Variants in DICER1 observed in about 807,000 individuals in gnomAD.
DICER1 encodes endoribonuclease Dicer.
DICER1 carries 43 observed loss-of-function variants against 194.1 expected under a neutral mutation model. That is an observed-to-expected ratio of 0.22 (90% CI 0.17 to 0.29). The LOEUF (loss-of-function observed/expected upper bound fraction) is 0.29, where lower values mean the gene tolerates loss of function less well. Ranked by LOEUF, DICER1 falls within the 10% of genes least tolerant of loss-of-function variation. The pLI, the probability that DICER1 is intolerant of heterozygous loss-of-function variation, is 1.00. For synonymous variants in DICER1, 832 were observed against 820.5 expected, an observed-to-expected ratio of 1.01 and a Z score of -0.24; for missense variants, 1,608 against 2,317.0, an observed-to-expected ratio of 0.69 and a Z score of 6.28.
chr14:95,087,372 A>T lies in DICER1; in HGVS notation c.*3126T>A, dbSNP rs1484384395. 1.7e-5 allele frequency: 4 copies of T among 233,328 alleles called. No individual in the cohort carries two copies. The highest frequency in any genetic ancestry group is 3.4e-5 in the Non-Finnish European group (4 of 117,928). 14.5% of individuals were successfully genotyped at this position (233,328 alleles called of 1,614,324 possible). ...GAAATATAACAAACATTTTAAAAAC[A>T]TAATTAAGAGTTCAGTTAACAAATC... On this transcript the variant is annotated 3_prime_UTR_variant, in exon 27 of 27. Coordinates refer to ENST00000343455, the MANE Select transcript of DICER1 (RefSeq NM_177438.3).
rs1060503636 is a variant in DICER1 at position 95,106,174 on chromosome 14, T to A, written c.2854A>T (p.Thr952Ser). The change falls in exon 18 of 27, where the codon ACT (threonine) becomes TCT (serine). Residue 952 changes from threonine to serine, a missense_variant. Transcript: ENST00000343455. ...AATTTACTGAGTGGGGTAAGATCAG[T>A]GTACACATCAGCTACATAAAATCGA... Reference protein sequence around the residue: ...PHRFYVADVYTDLTPLSKFPS... With the variant: ...PHRFYVADVYSDLTPLSKFPS... The A allele has an allele frequency of 5.6e-6, 9 of 1,614,128 alleles. No homozygotes were observed. The highest frequency in any genetic ancestry group is 6.8e-6 in the Non-Finnish European group (8 of 1,179,988).
intron 6 of DICER1, among the ~76,000 whole-genome samples, chr14:95,126,956 A>G (rs995681921): frequency 1.3e-5 from 2 of 151,988 alleles, no homozygotes; most frequent in Non-Finnish European, 2.9e-5. Context: ...AATGTATTTT[A>G]TAAACCAGTA....
chr14:95,120,350 T>A (rs1019817119), intron 8 of DICER1, among the ~76,000 whole-genome samples: 1 of 152,166 alleles, frequency 6.6e-6, no homozygotes, highest in Non-Finnish European at 1.5e-5. Flanking sequence ...TGTGTGCTGG[T>A]TGATAAAACT....
At chr14:95,137,263 G>A (rs1219612417) in intron 1 of DICER1, among the ~76,000 whole-genome samples, 1 of 144,444 alleles carries the variant, frequency 6.9e-6, no homozygotes, top group African/African-American at 2.6e-5. Context: ...AAATAAAAAG[G>A]AAAATGGAAA....
chr14:95,108,269 T>G, intron 15 of DICER1, 55 bp downstream of exon 15: 6 of 1,560,976 alleles, frequency 3.8e-6, no homozygotes, highest in Non-Finnish European at 5.3e-6. Flanking sequence ...TTTTTTTTTT[T>G]TCCTTTTCCT....
At chr14:95,130,920 CA>C (rs1178924369) in intron 4 of DICER1, among the ~76,000 whole-genome samples, 1 of 152,218 alleles carries the variant, frequency 6.6e-6, no homozygotes, top group African/African-American at 2.4e-5. Flanking sequence ...AGCGCATTAT[CA>C]GCAAGTTGGA....
intron 8 of DICER1, among the ~76,000 whole-genome samples, chr14:95,122,449 G>T (rs1224093151): frequency 1.3e-5 from 2 of 152,136 alleles, no homozygotes; most frequent in African/African-American, 4.8e-5. Context: ...CTTTTTCCCT[G>T]CCCTAAGAAA....
In DICER1 at chr14:95,089,592, T is replaced by C. The variant is rs1360946843; in HGVS notation, c.*906A>G. ...GAGGACTTTAGTAAAATGGGGTGTT[T>C]AGCCAAAGATCATTTTTATGATAAA... On this transcript the variant is annotated 3_prime_UTR_variant, in exon 27 of 27. Coordinates refer to ENST00000343455, the MANE Select transcript of DICER1 (RefSeq NM_177438.3). 1 of 231,834 alleles carries C rather than the reference T, an allele frequency of 4.3e-6. No individual in the cohort carries two copies. The highest frequency in any genetic ancestry group is 8.5e-6 in the Non-Finnish European group (1 of 117,310). 14.4% of individuals were successfully genotyped at this position (231,834 alleles called of 1,614,324 possible). A position where few individuals can be genotyped will look rare whatever the true frequency, so the allele number is the denominator to read the frequency against.
chr14:95,111,524 A>G, intron 13 of DICER1, 68 bp from the exon 14 acceptor site: 5 of 1,531,956 alleles, frequency 3.3e-6, no homozygotes, highest in Non-Finnish European at 4.5e-6. Context: ...AGAATTTAGA[A>G]CAGAACTATG....
intron 1 of DICER1, among the ~76,000 whole-genome samples, chr14:95,146,013 G>A (rs1353980458): frequency 2.0e-5 from 3 of 152,146 alleles, no homozygotes; most frequent in African/African-American, 7.2e-5. Flanking sequence ...GTAAACCCTG[G>A]TTCATTTTAC....
rs1164222430 is a variant in DICER1 at position 95,099,927 on chromosome 14, G to A, written c.4059C>T (p.Asn1353=). ...LSYMRSKKVS[N]CNLYRLGKKK... Reference sequence around the variant, plus strand: ...TTTTTCCAAGGCGATACAGATTACAGTTGCTGACCTTTAGCAGAAAATATT... The same window carrying A: ...TTTTTCCAAGGCGATACAGATTACAATTGCTGACCTTTAGCAGAAAATATT... Residue 1353 remains asparagine (N), a synonymous_variant, in exon 22 of 27, where the codon AAC becomes AAT. Transcript: ENST00000343455. 6.2e-7 allele frequency: 1 copy of A among 1,614,022 alleles called. No homozygotes were observed. The highest frequency in any genetic ancestry group is 1.7e-5 in the Admixed American group (1 of 60,008).
intron 12 of DICER1, 84 bp from the exon 13 acceptor site, chr14:95,112,331 C>G: frequency 9.0e-7 from 1 of 1,109,998 alleles, no homozygotes; most frequent in Non-Finnish European, 1.4e-6. Flanking sequence ...AACCACTGCC[C>G]CAACATTTTT....
At chr14:95,120,332 G>T (rs1892833399) in intron 8 of DICER1, among the ~76,000 whole-genome samples, 1 of 152,200 alleles carries the variant, frequency 6.6e-6, no homozygotes, top group Non-Finnish European at 1.5e-5. Context: ...TGAAGAATTA[G>T]CATCTACTGT....
intron 8 of DICER1, among the ~76,000 whole-genome samples, chr14:95,118,360 A>C (rs1892668178): frequency 6.6e-6 from 1 of 152,196 alleles, no homozygotes. Flanking sequence ...AGCCCATGGG[A>C]AAGAAATGTT....
chr14:95,149,982 T>C (rs1164632008), intron 1 of DICER1, among the ~76,000 whole-genome samples: 1 of 152,184 alleles, frequency 6.6e-6, no homozygotes, highest in African/African-American at 2.4e-5. Context: ...CAATGATAAT[T>C]TTGGTATCAT....
At position 95,133,491 on chromosome 14, in the gene DICER1, C is replaced by G. The variant is rs1272779104; in HGVS notation, c.-33G>C. The G allele has an allele frequency of 1.9e-6, 3 of 1,595,044 alleles. No individual in the cohort carries two copies. Among genetic ancestry groups the G allele is most frequent in the Non-Finnish European group, 2.6e-6 (3 of 1,169,384 alleles). On this transcript the variant is annotated 5_prime_UTR_variant, in exon 2 of 27. Coordinates refer to ENST00000343455, the MANE Select transcript of DICER1 (RefSeq NM_177438.3). ...GTGTTTCTTTCATTGCATTTTTGTT[C>G]TAGCACAGCTTACTACAAAAGGGAA...
At chr14:95,099,692 A>G (rs991900142) in intron 22 of DICER1, 88 bp downstream of exon 22, 16 of 1,496,634 alleles carry the variant, frequency 1.1e-5, no homozygotes, top group Non-Finnish European at 1.3e-5. Context: ...AATTAATAAA[A>G]CAAATTATTT....
At chr14:95,154,690 A>G (rs1018155113) in intron 1 of DICER1, among the ~76,000 whole-genome samples, 1 of 152,202 alleles carries the variant, frequency 6.6e-6, no homozygotes, top group African/African-American at 2.4e-5. Context: ...GTTCTCTGGC[A>G]TTGAAGGTAG....
rs141651702 is a variant in DICER1, at chr14:95,115,687, C to T, written c.1887G>A (p.Thr629=). Residue 629 remains threonine (T), a synonymous_variant, in exon 11 of 27, where the codon ACG becomes ACA. Transcript: ENST00000343455. The part of the protein sequence containing the change: ...DDGGPRVTIN[T]AIGHINRYCA... The stretch of plus-strand genomic sequence containing the variant: ...CATACCTATTGATGTGTCCAATGGC[C>T]GTGTTGATTGTGACTCGTGGACCAC... 1.4e-3 allele frequency: 2,324 copies of T among 1,614,058 alleles called. 30 individuals carry two copies. In the African/African-American group the frequency reaches 0.027, roughly 18 times the overall value.
Sources: gnomAD v4.1 joint callset for allele counts (sites outside exome capture counted in the v4.1 genomes callset) on GRCh38, gnomAD v4.1.1 for gene constraint, MANE v1.5 for transcripts, NCBI Gene and HGNC (gene_info 2026-07-23, HGNC 2026-07-21) for gene names.